DHX32: variants seen among roughly 807,000 people sequenced by gnomAD.
DHX32 encodes DEAH-box helicase 32 (putative).
In DHX32, 51 loss-of-function variants were observed where a neutral mutation model predicts 70.0. The observed-to-expected ratio is 0.73, with a 90% CI of 0.58 to 0.92. DHX32 has a LOEUF of 0.92. Among genes scored for constraint, DHX32 ranks in the 40% least tolerant of loss-of-function variants. The pLI is 0.00. For missense variants in DHX32, 762 were observed against 891.8 expected, an observed-to-expected ratio of 0.85 and a Z score of 1.85; for synonymous variants, 310 against 315.3, an observed-to-expected ratio of 0.98 and a Z score of 0.18.
intron 1 of DHX32, among the ~76,000 whole-genome samples, chr10:125,870,937 T>C (rs2134065026): frequency 6.6e-6 from 1 of 152,360 alleles, no homozygotes; most frequent in South Asian, 2.1e-4. Flanking sequence ...CTGCTTTACA[T>C]AGCTAGAATC....
chr10:125,893,982 T>C lies in DHX32; in HGVS notation c.-248+2236A>G, dbSNP rs569282119. Among the ~76,000 whole-genome samples, 388 of 152,344 alleles carry C rather than the reference T, an allele frequency of 2.5e-3. 3 individuals are homozygous for C. Among genetic ancestry groups the C allele is most frequent in the South Asian group, 9.9e-3 (48 of 4,830 alleles). On this transcript the variant is annotated intron_variant, in intron 1 of 2. Coordinates refer to the DHX32 transcript ENST00000415732. ...GAAAAAGACTACATCTGTCTCTTCA[T>C]TGTTACTTTGTTATTCCCGATCCAT... is the stretch of plus-strand genomic sequence containing the variant.
intron 8 of DHX32, among the ~76,000 whole-genome samples, chr10:125,840,587 T>G (rs1440162484): frequency 1.3e-5 from 2 of 152,206 alleles, no homozygotes; most frequent in Non-Finnish European, 2.9e-5. Context: ...AAGCTTGCTC[T>G]GAAGGCTGGC....
At chr10:125,851,175 T>C (rs1259241136) in intron 6 of DHX32, among the ~76,000 whole-genome samples, 1 of 152,254 alleles carries the variant, frequency 6.6e-6, no homozygotes, top group Non-Finnish European at 1.5e-5. Context: ...ATTTCAATTA[T>C]AAGTTGAATT....
intron 2 of DHX32, among the ~76,000 whole-genome samples, chr10:125,860,977 C>T (rs1366334927): frequency 6.6e-6 from 1 of 151,696 alleles, no homozygotes; most frequent in Non-Finnish European, 1.5e-5. Flanking sequence ...TGGTCTCGAT[C>T]TCCTGACCTT....
At chr10:125,881,611 T>C (rs1034942969), upstream of DHX32, among the ~76,000 whole-genome samples, 2 of 152,208 alleles carry the variant, frequency 1.3e-5, no homozygotes, top group African/African-American at 4.8e-5. Context: ...ATGAATTTAT[T>C]ATTTCCTTCC....
intron 1 of DHX32, among the ~76,000 whole-genome samples, chr10:125,877,666 A>G (rs1488833010): frequency 6.6e-6 from 1 of 152,220 alleles, no homozygotes; most frequent in African/African-American, 2.4e-5. Context: ...AGCCTGGGTG[A>G]CAGAACGAGC....
chr10:125,841,262 G>GA (rs1854871380), intron 7 of DHX32: 1 of 1,613,990 alleles, frequency 6.2e-7, no homozygotes, highest in African/African-American at 1.3e-5. Flanking sequence ...CAGGAGCAGG[G>GA]AAAACCTGAG....
intron 6 of DHX32, among the ~76,000 whole-genome samples, chr10:125,844,883 C>A (rs1402598226): frequency 6.6e-6 from 1 of 152,222 alleles, no homozygotes; most frequent in Non-Finnish European, 1.5e-5. Context: ...TGGAATAGCT[C>A]ACTGCAAGGT....
chr10:125,842,078 G>C (rs1055379738), intron 6 of DHX32, 144 bp from the exon 7 acceptor site: 1 of 1,076,144 alleles, frequency 9.3e-7, no homozygotes, highest in African/African-American at 1.6e-5. Context: ...CAAATACCAG[G>C]GAGTGAAGGA....
At chr10:125,843,180 T>G (rs1278066077) in intron 6 of DHX32, among the ~76,000 whole-genome samples, 1 of 152,092 alleles carries the variant, frequency 6.6e-6, no homozygotes, top group Non-Finnish European at 1.5e-5. Context: ...TGGTTTTGTT[T>G]TAGTTCCAGT....
chr10:125,858,463 T>A (rs1589711908), intron 3 of DHX32, among the ~76,000 whole-genome samples: 1 of 152,344 alleles, frequency 6.6e-6, no homozygotes, highest in Non-Finnish European at 1.5e-5. Flanking sequence ...CAAAAAATGA[T>A]AAATATGCAG....
chr10:125,868,080 T>A (rs1047154041), intron 1 of DHX32, among the ~76,000 whole-genome samples: 1 of 152,224 alleles, frequency 6.6e-6, no homozygotes, highest in African/African-American at 2.4e-5. Context: ...CCCATCTAAA[T>A]AAACCCAGTG....
intron 1 of DHX32, among the ~76,000 whole-genome samples, chr10:125,875,823 T>C (rs1295751476): frequency 5.9e-5 from 9 of 152,134 alleles, no homozygotes; most frequent in African/African-American, 2.2e-4. Context: ...AAGCTAACTT[T>C]TGTAGATAGT....
intron 6 of DHX32, among the ~76,000 whole-genome samples, chr10:125,843,695 A>G (rs1589704966): frequency 6.6e-6 from 1 of 152,172 alleles, no homozygotes; most frequent in East Asian, 1.9e-4. Flanking sequence ...ATTAGAAGCC[A>G]CTACTGTAGG....
intron 1 of DHX32, among the ~76,000 whole-genome samples, chr10:125,875,016 C>T (rs955456368): frequency 3.3e-5 from 5 of 151,888 alleles, no homozygotes; most frequent in South Asian, 2.1e-4. Flanking sequence ...CCCAGGAGTC[C>T]GAGACCAACC....
intron 8 of DHX32, among the ~76,000 whole-genome samples, chr10:125,840,522 T>C (rs1346629570): frequency 1.3e-5 from 2 of 152,250 alleles, no homozygotes; most frequent in Non-Finnish European, 2.9e-5. Flanking sequence ...GCTGTTCTTG[T>C]CTTCCTCCAA....
intron 8 of DHX32, among the ~76,000 whole-genome samples, chr10:125,839,583 C>T (rs910968246): frequency 3.9e-5 from 6 of 152,174 alleles, no homozygotes; most frequent in Non-Finnish European, 7.3e-5. Context: ...TTTAATCAAA[C>T]TAGGCAGGAA....
intron 3 of DHX32, among the ~76,000 whole-genome samples, chr10:125,856,272 AAAG>A (rs746562378): frequency 6.6e-6 from 1 of 152,262 alleles, no homozygotes; most frequent in East Asian, 1.9e-4. Flanking sequence ...ACCAAAAATG[AAAG>A]AAGATCCACA....
At chr10:125,851,200 C>G (rs1048774719) in intron 6 of DHX32, among the ~76,000 whole-genome samples, 4 of 152,308 alleles carry the variant, frequency 2.6e-5, no homozygotes. Context: ...GCAGCAGCTG[C>G]GAGCATCTTT....
Sources: allele counts gnomAD v4.1 joint callset (sites outside exome capture counted in the v4.1 genomes callset), GRCh38; gene constraint gnomAD v4.1.1; transcripts MANE v1.5; gene names NCBI Gene and HGNC (gene_info 2026-07-23, HGNC 2026-07-21).